The following AGL variants were observed in gnomAD, a reference collection of about 807,000 sequenced individuals.
The protein encoded by AGL is glycogen debranching enzyme.
In AGL, 128 loss-of-function variants were observed where a neutral mutation model predicts 199.3. That is an observed-to-expected ratio of 0.64 (90% CI 0.56 to 0.74). The LOEUF (loss-of-function observed/expected upper bound fraction) is 0.74, where lower values mean the gene tolerates loss of function less well. AGL is among the 30% of genes least tolerant of loss of function. AGL has a pLI of 0.00. For synonymous variants in AGL, 584 were observed against 594.7 expected, an observed-to-expected ratio of 0.98 and a Z score of 0.26; for missense variants, 1,809 against 1,820.8, an observed-to-expected ratio of 0.99 and a Z score of 0.12.
intron 2 of AGL, among the ~76,000 whole-genome samples, chr1:99,857,774 C>T (rs1173720315): frequency 1.2e-4 from 2 of 16,080 alleles, no homozygotes; most frequent in African/African-American, 2.2e-4. Context: ...ACAGTCCAGC[C>T]TTGGCTCGGC....
intron 27 of AGL, among the ~76,000 whole-genome samples, chr1:99,906,563 A>G (rs1654310397): frequency 6.6e-6 from 1 of 152,134 alleles, no homozygotes; most frequent in Non-Finnish European, 1.5e-5. Context: ...GGCCTTAGTA[A>G]CCACCTGTCT....
intron 25 of AGL, among the ~76,000 whole-genome samples, chr1:99,899,690 C>T (rs909859791): frequency 3.3e-5 from 5 of 151,542 alleles, no homozygotes; most frequent in Non-Finnish European, 5.9e-5. Flanking sequence ...GCGCAATCTC[C>T]GCTCACTGCA....
Position 99,888,831 on chromosome 1 carries a change from A to G in AGL, c.2812+723A>G, listed in dbSNP as rs145401425. On this transcript the variant is annotated intron_variant, in intron 21 of 33. Coordinates refer to ENST00000361915, the MANE Select transcript of AGL (RefSeq NM_000642.3). ...TCCATCTAACCTATCTTTAAGGACT[A>G]ATTTAATTCTTGCATCTTTCATAAA... is the stretch of plus-strand genomic sequence containing the variant. Among the ~76,000 whole-genome samples, 4 of 152,288 alleles carry G rather than the reference A, an allele frequency of 2.6e-5. No individual in the cohort carries two copies. The East Asian group carries it at 7.7e-4, about 29-fold the overall frequency.
rs1272587873 is a variant in AGL at position 99,894,502 on chromosome 1, C to A, written c.3260-1784C>A. On this transcript the variant is annotated intron_variant, in intron 24 of 33. Transcript: ENST00000361915. ...ATATGTTAGCTGCTGTCATCACTAT[C>A]ATCAAAATTAATATCATGTATATAT... is the stretch of plus-strand genomic sequence containing the variant. 2.0e-5 allele frequency among the ~76,000 whole-genome samples: 3 copies of A among 152,092 alleles called. No homozygotes were observed. The East Asian group carries it at 5.8e-4, about 29-fold the overall frequency.
intron 7 of AGL, among the ~76,000 whole-genome samples, chr1:99,871,995 A>T (rs550890938): frequency 6.6e-6 from 1 of 151,888 alleles, no homozygotes; most frequent in East Asian, 1.9e-4. Context: ...TAAATTTTAT[A>T]TTTATTTTTA....
chr1:99,909,996 C>T (rs1654619523), intron 27 of AGL, among the ~76,000 whole-genome samples: 1 of 152,038 alleles, frequency 6.6e-6, no homozygotes, highest in African/African-American at 2.4e-5. Context: ...ATTAGATATA[C>T]CAGTATTATC....
Position 99,902,916 on chromosome 1 carries a change from A to G in AGL, c.3700+122A>G, listed in dbSNP as rs972661455. On this transcript the variant is annotated intron_variant, in intron 27 of 33. Transcript: ENST00000361915. ...CGATATAATGATTAAAAAGATTAAC[A>G]TAGTTCCTGATCTCACCAAGTTTTT... 3.9e-5 allele frequency: 30 copies of G among 761,666 alleles called. 1 individual carries two copies. The highest frequency in any genetic ancestry group is 1.8e-4 in the African/African-American group (10 of 56,836). The allele number at this position is 761,666 out of a possible 1,614,324, so 47.2% of individuals were successfully genotyped here.
chr1:99,900,892 T>TG (rs535461298), intron 26 of AGL, 31 bp downstream of exon 26: 57 of 284,210 alleles, frequency 2.0e-4, no homozygotes, highest in Admixed American at 6.5e-4. Context: ...GTTTTTTTGT[T>TG]TTTTTTTTTT....
Position 99,867,764 on chromosome 1 carries a change from C to T in AGL, c.665-2636C>T, listed in dbSNP as rs1401285224. 4.6e-5 allele frequency among the ~76,000 whole-genome samples: 7 copies of T among 152,062 alleles called. No homozygotes were observed. The East Asian group carries it at 1.4e-3, about 29-fold the overall frequency. On this transcript the variant is annotated intron_variant, in intron 5 of 33. Transcript: ENST00000361915. ...AGAGTTGGAGTCCCGCCATATTGGCCAGGTTCGTCTCAATCCACCCTGCCT... is the reference window on the plus strand; with the variant it reads ...AGAGTTGGAGTCCCGCCATATTGGCTAGGTTCGTCTCAATCCACCCTGCCT...
At chr1:99,877,926 A>T in intron 12 of AGL, 98 bp downstream of exon 12, 2 of 1,156,306 alleles carry the variant, frequency 1.7e-6, no homozygotes, top group Non-Finnish European at 2.6e-6. Context: ...TCCTTTTGCT[A>T]GTTGGACACA....
chr1:99,864,186 T>C (rs1310114799), intron 4 of AGL, among the ~76,000 whole-genome samples, 200 bp from the exon 5 acceptor site: 1 of 152,242 alleles, frequency 6.6e-6, no homozygotes, highest in African/African-American at 2.4e-5. Context: ...GACACATATC[T>C]TGAAAGATTT....
At chr1:99,856,943 T>G (rs1029434887) in intron 2 of AGL, among the ~76,000 whole-genome samples, 5 of 152,252 alleles carry the variant, frequency 3.3e-5, no homozygotes, top group Admixed American at 3.3e-4. Flanking sequence ...CCGTTCTCAA[T>G]GAGCTGTTGG....
At chr1:99,873,954 G>A (rs631797) in intron 7 of AGL, among the ~76,000 whole-genome samples, 112,563 of 152,090 alleles carry the variant, frequency 0.74, 42,476 homozygotes, top group African/African-American at 0.91. Context: ...GTTCAATGGA[G>A]GCAATCCTGT....
At chr1:99,850,786 T>C (rs998227893) in intron 1 of AGL, 189 bp from the exon 2 acceptor site, 14 of 485,298 alleles carry the variant, frequency 2.9e-5, no homozygotes, top group African/African-American at 1.7e-4. Context: ...TTCGGTCTTA[T>C]TCGTTGTGCT....
In AGL at chr1:99,888,061, G is replaced by A; in HGVS notation, c.2765G>A (p.Cys922Tyr). ...GAAGAAAAGGAAGATGGTGGAGGGT[G>A]CTATGACATACCAAACTGGTCAGCC... ...ESEEKEDGGGCYDIPNWSALK... is the reference protein window; with the variant it reads ...ESEEKEDGGGYYDIPNWSALK... Residue 922 changes from cysteine to tyrosine, a missense_variant, in exon 21 of 34, where the codon TGC becomes TAC. Physicochemically the swap from Cys to Tyr is radical, Grantham distance 194. Transcript: ENST00000361915. The A allele has an allele frequency of 1.2e-6, 2 of 1,613,562 alleles. No homozygotes were observed. Among genetic ancestry groups the A allele is most frequent in the Non-Finnish European group, 1.7e-6 (2 of 1,179,674 alleles).
chr1:99,856,824 C>T (rs1383058895), intron 2 of AGL, among the ~76,000 whole-genome samples: 3 of 152,218 alleles, frequency 2.0e-5, no homozygotes, highest in East Asian at 3.8e-4. Flanking sequence ...AAAATAGAGT[C>T]TCCCATGTCT....
chr1:99,871,899 A>G (rs986020109), intron 7 of AGL, among the ~76,000 whole-genome samples: 2 of 151,988 alleles, frequency 1.3e-5, no homozygotes, highest in African/African-American at 2.4e-5. Flanking sequence ...CAGCTACTAC[A>G]TATTGTTTCT....
intron 21 of AGL, among the ~76,000 whole-genome samples, chr1:99,888,440 G>A (rs1200506014): frequency 1.3e-5 from 2 of 151,996 alleles, no homozygotes; most frequent in African/African-American, 2.4e-5. Context: ...TTTCCTTAAG[G>A]TCTGTATAGC....
At chr1:99,921,434 G>A in intron 33 of AGL, 100 bp from the exon 34 acceptor site, 1 of 798,534 alleles carries the variant, frequency 1.3e-6, no homozygotes, top group South Asian at 1.3e-5. Flanking sequence ...GACTACATAT[G>A]ATTATTTTCT....
Sources: allele counts gnomAD v4.1 joint callset (sites outside exome capture counted in the v4.1 genomes callset), GRCh38; gene constraint gnomAD v4.1.1; transcripts MANE v1.5; gene names NCBI Gene and HGNC (gene_info 2026-07-23, HGNC 2026-07-21).